SMYD4: variants seen among roughly 807,000 people sequenced by gnomAD.
The protein encoded by SMYD4 is protein-lysine N-methyltransferase SMYD4.
Under a neutral mutation model 72.8 loss-of-function variants are expected in SMYD4, and 68 were observed. The ratio of observed to expected loss-of-function variants is 0.93; its 90% CI spans 0.77 to 1.14. The LOEUF (loss-of-function observed/expected upper bound fraction) is 1.14. Ranked by LOEUF, SMYD4 falls within the 50% of genes most tolerant of loss-of-function variation. SMYD4 has a pLI of 0.00. For missense variants in SMYD4, 984 were observed against 1,003.7 expected (o/e 0.98, Z 0.27); for synonymous variants, 407 against 388.6 (o/e 1.05, Z -0.56).
chr17:1,811,292 G>A (rs1280443498), intron 3 of SMYD4, among the ~76,000 whole-genome samples: 1 of 152,130 alleles, frequency 6.6e-6, no homozygotes, highest in Non-Finnish European at 1.5e-5. Flanking sequence ...GGGAACAAGG[G>A]AACTTTTTCC....
At chr17:1,784,278 A>G in intron 8 of SMYD4, 48 bp downstream of exon 8, 2 of 1,611,820 alleles carry the variant, frequency 1.2e-6, no homozygotes, top group Non-Finnish European at 1.7e-6. Context: ...GTATCAGAAC[A>G]AATAAAAGGG....
At chr17:1,782,873 A>G in intron 10 of SMYD4, 162 bp downstream of exon 10, 1 of 1,161,096 alleles carries the variant, frequency 8.6e-7, no homozygotes, top group South Asian at 1.8e-5. Context: ...AGGAAATTCT[A>G]AAGCGTTATG....
intron 10 of SMYD4, chr17:1,782,414 G>C (rs1908413649): frequency 6.6e-6 from 1 of 150,636 alleles, no homozygotes; most frequent in Admixed American, 6.7e-5. Flanking sequence ...AGGAGTTGCA[G>C]GAAGCAGTGA....
intron 2 of SMYD4, 75 bp from the exon 3 acceptor site, chr17:1,812,190 A>C: frequency 6.5e-7 from 1 of 1,536,976 alleles, no homozygotes; most frequent in East Asian, 2.2e-5. Flanking sequence ...ATTGCCCTCA[A>C]AACAAGAAAG....
chr17:1,800,172 G>A lies in SMYD4; in HGVS notation c.1222C>T (p.Pro408Ser). The A allele has an allele frequency of 6.2e-7, 1 of 1,610,570 alleles. No homozygotes were observed. Among genetic ancestry groups the A allele is most frequent in the East Asian group, 2.2e-5 (1 of 44,830 alleles). Reference sequence around the variant, plus strand: ...CCATTAATATCGCATCCAGGAATTGGGGTCTCAACGATGTTGCCATTTTTC... The same window carrying A: ...CCATTAATATCGCATCCAGGAATTGAGGTCTCAACGATGTTGCCATTTTTC... Reference protein sequence around the residue: ...SEKNGNIVETPIPGCDINGKY... With the variant: ...SEKNGNIVETSIPGCDINGKY... Residue 408 changes from proline to serine, a missense_variant, in exon 5 of 11, where the codon CCA becomes TCA. Physicochemically the swap from Pro to Ser is moderately conservative, Grantham distance 74. Coordinates refer to ENST00000305513, the MANE Select transcript of SMYD4 (RefSeq NM_052928.3).
intron 2 of SMYD4, chr17:1,814,798 G>A (rs186757806): frequency 6.6e-6 from 1 of 152,228 alleles, no homozygotes; most frequent in African/African-American, 2.4e-5. Flanking sequence ...ACTCCAACCT[G>A]GGTCAAATAA....
intron 5 of SMYD4, among the ~76,000 whole-genome samples, chr17:1,794,022 T>TGG: frequency 1.1e-5 from 1 of 91,262 alleles, no homozygotes; most frequent in African/African-American, 5.5e-5. Flanking sequence ...TATATATATG[T>TGG]GTGTATATAT....
intron 1 of SMYD4, among the ~76,000 whole-genome samples, 151 bp from the exon 2 acceptor site, chr17:1,828,157 T>C (rs1911301484): frequency 6.6e-6 from 1 of 152,122 alleles, no homozygotes; most frequent in South Asian, 2.1e-4. Flanking sequence ...GAGACCATCC[T>C]GGCTAACACA....
chr17:1,793,991 T>TTG (rs1243102229), intron 5 of SMYD4, among the ~76,000 whole-genome samples: 15 of 88,670 alleles, frequency 1.7e-4, no homozygotes, highest in Non-Finnish European at 2.9e-4. Flanking sequence ...TGGCTAATTT[T>TTG]TGTGTATATA....
chr17:1,800,426 A>C lies in SMYD4; in HGVS notation c.968T>G (p.Leu323Trp). 6.2e-7 allele frequency: 1 copy of C among 1,614,202 alleles called. No individual in the cohort carries two copies. Among genetic ancestry groups the C allele is most frequent in the Non-Finnish European group, 8.5e-7 (1 of 1,180,044 alleles). ...SYAKYCSQEC[L>W]QQAWELYHRT... is the part of the protein sequence containing the mutation. ...GTGGTAGAGCTCCCAGGCCTGCTGC[A>C]AACACTCCTGGCTGCAATACTTGGC... Residue 323 changes from leucine (L) to tryptophan (W), a missense_variant, in exon 5 of 11, where the codon TTG becomes TGG. Coordinates refer to ENST00000305513, the MANE Select transcript of SMYD4 (RefSeq NM_052928.3).
rs1908536891 is a variant in SMYD4 at position 1,784,398 on chromosome 17, G to C, written c.1948C>G (p.Leu650Val). The C allele has an allele frequency of 6.2e-7, 1 of 1,614,116 alleles. No homozygotes were observed. The highest frequency in any genetic ancestry group is 1.3e-5 in the African/African-American group (1 of 74,934). ...CAESAVSRDH[L>V]VSRLQDLQQQ... ...TGTAGGTCCTGTAACCGAGAGACCA[G>C]GTGGTCCCTGCTGACGGCGGATTCT... Residue 650 changes from leucine to valine, a missense_variant, in exon 8 of 11, where the codon CTG becomes GTG. Coordinates refer to ENST00000305513, the MANE Select transcript of SMYD4 (RefSeq NM_052928.3).
chr17:1,829,328 T>G (rs1911393523), intron 1 of SMYD4: 1 of 152,478 alleles, frequency 6.6e-6, no homozygotes, highest in African/African-American at 2.4e-5. Flanking sequence ...AGGCTACTCA[T>G]GCTTTCCGGA....
At chr17:1,815,609 G>A (rs1290425680) in intron 2 of SMYD4, among the ~76,000 whole-genome samples, 1 of 145,658 alleles carries the variant, frequency 6.9e-6, no homozygotes, top group African/African-American at 2.5e-5. Context: ...AGTGAGCTAC[G>A]ATCACACCAC....
At chr17:1,803,743 T>C (rs1909889891) in intron 4 of SMYD4, among the ~76,000 whole-genome samples, 1 of 151,964 alleles carries the variant, frequency 6.6e-6, no homozygotes. Context: ...AAGTGATCCG[T>C]CTGCCTTGGC....
intron 2 of SMYD4, 126 bp from the exon 3 acceptor site, chr17:1,812,241 T>C (rs1910366394): frequency 3.7e-6 from 4 of 1,082,914 alleles, no homozygotes; most frequent in East Asian, 4.8e-5. Context: ...GATATGTACA[T>C]TGTGCAATGT....
In SMYD4 at chr17:1,796,151, G is replaced by A. The variant is rs1909393832; in HGVS notation, c.1537+3706C>T. Among the ~76,000 whole-genome samples, 5 of 151,672 alleles carry A rather than the reference G, an allele frequency of 3.3e-5. No individual in the cohort carries two copies. The South Asian group carries it at 1.0e-3, about 32-fold the overall frequency. Reference sequence around the variant, plus strand: ...GCATGTATTTTTCTTTTTTCTTTTTGAGACAGGGTCTCTCTCTGTTGCCCA... The same window carrying A: ...GCATGTATTTTTCTTTTTTCTTTTTAAGACAGGGTCTCTCTCTGTTGCCCA... On this transcript the variant is annotated intron_variant, in intron 5 of 10. Coordinates refer to ENST00000305513, the MANE Select transcript of SMYD4 (RefSeq NM_052928.3).
In SMYD4 at chr17:1,781,414, T is replaced by A; in HGVS notation, c.2287A>T (p.Thr763Ser). 6.2e-7 allele frequency: 1 copy of A among 1,614,060 alleles called. No individual in the cohort carries two copies. The highest frequency in any genetic ancestry group is 1.1e-5 in the South Asian group (1 of 91,070). Residue 763 changes from threonine to serine, a missense_variant, in exon 11 of 11, where the codon ACA becomes TCA. Physicochemically the swap from Thr to Ser is moderately conservative, Grantham distance 58. Transcript: ENST00000305513. ...NGFAVPEALSTIQKAEEVLSL... is the reference protein window; with the variant it reads ...NGFAVPEALSSIQKAEEVLSL... ...AGAACCTCCTCAGCTTTCTGTATTG[T>A]GCTCAGGGCTTCGGGTACTGCAAAC...
At chr17:1,811,875 T>C in intron 3 of SMYD4, 96 bp downstream of exon 3, 1 of 1,346,440 alleles carries the variant, frequency 7.4e-7, no homozygotes, top group Non-Finnish European at 1.0e-6. Context: ...TGCAGTGAGC[T>C]GAGATTATAC....
At chr17:1,783,576 G>C (rs1908493051) in intron 8 of SMYD4, 100 bp from the exon 9 acceptor site, 8 of 1,502,192 alleles carry the variant, frequency 5.3e-6, no homozygotes, top group Non-Finnish European at 7.1e-6. Flanking sequence ...GGCTGAATGT[G>C]GAAATTCCCC....
Sources: gnomAD v4.1 joint callset for allele counts (sites outside exome capture counted in the v4.1 genomes callset) on GRCh38, gnomAD v4.1.1 for gene constraint, MANE v1.5 for transcripts, NCBI Gene and HGNC (gene_info 2026-07-23, HGNC 2026-07-21) for gene names.